Variants in GUCY2C observed in about 807,000 individuals in gnomAD.
The protein encoded by GUCY2C is guanylyl cyclase C.
GUCY2C carries 118 observed loss-of-function variants against 131.1 expected under a neutral mutation model. That is an observed-to-expected ratio of 0.90 (90% confidence interval 0.78 to 1.05). GUCY2C has a LOEUF of 1.05. Among genes scored for constraint, GUCY2C ranks in the 50% least tolerant of loss-of-function variants. The pLI, the probability that GUCY2C is intolerant of heterozygous loss-of-function variation, is 0.00. For missense variants in GUCY2C, 1,161 were observed against 1,304.4 expected, an observed-to-expected ratio of 0.89 and a Z score of 1.69; for synonymous variants, 452 against 457.8, an observed-to-expected ratio of 0.99 and a Z score of 0.16.
rs115179677 is a variant in GUCY2C, at chr12:14,654,478, C to G, written c.1471-1464G>C. On this transcript the variant is annotated intron_variant, in intron 12 of 26. Transcript: ENST00000261170. ...CTCAGAGTAACAATGATCACATGAT[C>G]AAAATAATTTTGAACTTCCCTCCTT... Among the ~76,000 whole-genome samples the G allele has an allele frequency of 4.9e-3, 748 of 152,172 alleles. 8 individuals carry two copies. The highest frequency in any genetic ancestry group is 0.018 in the African/African-American group (728 of 41,516).
intron 1 of GUCY2C, among the ~76,000 whole-genome samples, chr12:14,694,992 T>C (rs1023676380): frequency 2.0e-5 from 3 of 152,138 alleles, no homozygotes; most frequent in African/African-American, 7.2e-5. Flanking sequence ...ATCATATATA[T>C]CCCCCAAATT....
intron 3 of GUCY2C, among the ~76,000 whole-genome samples, chr12:14,685,122 GC>G (rs1297984361): frequency 1.3e-5 from 2 of 152,302 alleles, no homozygotes; most frequent in Non-Finnish European, 2.9e-5. Flanking sequence ...CAGCTAAAAT[GC>G]TTTGCACGTA....
At chr12:14,675,903 A>G (rs1948225833) in intron 7 of GUCY2C, among the ~76,000 whole-genome samples, 1 of 152,228 alleles carries the variant, frequency 6.6e-6, no homozygotes, top group Admixed American at 6.5e-5. Context: ...TGCTGAAAAC[A>G]TTTCATGAGG....
intron 10 of GUCY2C, among the ~76,000 whole-genome samples, chr12:14,664,984 C>G (rs147508547): frequency 4.6e-5 from 7 of 151,954 alleles, no homozygotes; most frequent in Non-Finnish European, 5.9e-5. Context: ...GAAGCCAAGG[C>G]GGGTGGATCA....
intron 10 of GUCY2C, among the ~76,000 whole-genome samples, chr12:14,664,990 GA>G (rs776842898): frequency 3.4e-4 from 51 of 152,202 alleles, no homozygotes; most frequent in Non-Finnish European, 5.0e-4. Flanking sequence ...AAGGCGGGTG[GA>G]TCACGAGGTC....
intron 1 of GUCY2C, among the ~76,000 whole-genome samples, chr12:14,693,560 T>C (rs1948610203): frequency 6.6e-6 from 1 of 152,346 alleles, no homozygotes; most frequent in East Asian, 1.9e-4. Flanking sequence ...ATATATTGTC[T>C]TATAATTTTT....
chr12:14,629,929 T>C (rs1341571501), intron 19 of GUCY2C, among the ~76,000 whole-genome samples: 1 of 152,126 alleles, frequency 6.6e-6, no homozygotes, highest in Non-Finnish European at 1.5e-5. Flanking sequence ...AGTATAAGTA[T>C]GTCGCAAATA....
chr12:14,691,804 G>T (rs992886252), intron 1 of GUCY2C, among the ~76,000 whole-genome samples: 3 of 152,148 alleles, frequency 2.0e-5, no homozygotes, highest in Non-Finnish European at 4.4e-5. Flanking sequence ...CTTCCCTACT[G>T]GGCCCCAGTT....
intron 12 of GUCY2C, among the ~76,000 whole-genome samples, chr12:14,654,334 T>A (rs1039196400): frequency 8.5e-5 from 13 of 152,198 alleles, no homozygotes; most frequent in Non-Finnish European, 1.8e-4. Context: ...GTAGGTATTT[T>A]CCACCCTTGC....
intron 21 of GUCY2C, among the ~76,000 whole-genome samples, chr12:14,624,659 A>C (rs959353689): frequency 6.6e-6 from 1 of 152,156 alleles, no homozygotes; most frequent in Non-Finnish European, 1.5e-5. Context: ...TTGCGCATAA[A>C]ATTTTTACAT....
intron 3 of GUCY2C, among the ~76,000 whole-genome samples, chr12:14,683,666 G>A (rs747351268): frequency 1.6e-4 from 24 of 152,046 alleles, no homozygotes; most frequent in South Asian, 4.1e-4. Flanking sequence ...TGTTCACCTC[G>A]GTATCTCCAG....
rs1947690196 is a variant in GUCY2C at position 14,652,814 on chromosome 12, G to T, written c.1533+138C>A. The T allele has an allele frequency of 1.0e-5, 7 of 700,422 alleles. No individual in the cohort carries two copies. In the Admixed American group the frequency reaches 1.5e-4, roughly 15 times the overall value. 43.4% of individuals were successfully genotyped at this position (700,422 alleles called of 1,614,324 possible). Reference sequence around the variant, plus strand: ...GAAGCAGGGCCCTGCCCATCCCTGTGAAGCTCTAAGAATAGCCCCTAGGAA... The same window carrying T: ...GAAGCAGGGCCCTGCCCATCCCTGTTAAGCTCTAAGAATAGCCCCTAGGAA... On this transcript the variant is annotated intron_variant, in intron 13 of 26. Coordinates refer to ENST00000261170, the MANE Select transcript of GUCY2C (RefSeq NM_004963.4).
intron 10 of GUCY2C, among the ~76,000 whole-genome samples, chr12:14,667,422 T>C (rs748295868): frequency 2.0e-4 from 30 of 152,254 alleles, no homozygotes; most frequent in Admixed American, 6.5e-4. Flanking sequence ...CAGCTCAGGA[T>C]TGCTTATTGT....
chr12:14,623,953 G>A (rs1389585186), intron 21 of GUCY2C, among the ~76,000 whole-genome samples: 1 of 152,156 alleles, frequency 6.6e-6, no homozygotes, highest in Non-Finnish European at 1.5e-5. Context: ...ACCTAGTCTC[G>A]GGTAGTTCTT....
intron 16 of GUCY2C, 151 bp downstream of exon 16, chr12:14,645,078 A>G: frequency 2.0e-6 from 1 of 512,058 alleles, no homozygotes. Context: ...ATTTCACAAA[A>G]TCCTCATAAC....
chr12:14,655,849 A>G (rs1308112363), intron 12 of GUCY2C, among the ~76,000 whole-genome samples: 1 of 152,194 alleles, frequency 6.6e-6, no homozygotes, highest in Non-Finnish European at 1.5e-5. Flanking sequence ...GGGTTAATGC[A>G]TGTGGTGCAT....
At chr12:14,692,417 CAG>C (rs1284383203) in intron 1 of GUCY2C, among the ~76,000 whole-genome samples, 3 of 151,462 alleles carry the variant, frequency 2.0e-5, no homozygotes, top group Admixed American at 6.6e-5. Context: ...TTTATGCTAA[CAG>C]ATATTTATTT....
At chr12:14,679,953 T>A (rs116414259) in intron 5 of GUCY2C, among the ~76,000 whole-genome samples, 200 bp from the exon 6 acceptor site, 5,518 of 151,842 alleles carry the variant, frequency 0.036, 360 homozygotes, top group African/African-American at 0.13. Flanking sequence ...GGATCTTTTT[T>A]AAAAAAATCA....
intron 18 of GUCY2C, among the ~76,000 whole-genome samples, chr12:14,640,292 A>C (rs139122240): frequency 2.6e-5 from 4 of 151,932 alleles, no homozygotes; most frequent in Non-Finnish European, 5.9e-5. Flanking sequence ...CCCCGTCTCT[A>C]CATAAAGTAC....
Sources: gnomAD v4.1 joint callset for allele counts (sites outside exome capture counted in the v4.1 genomes callset) on GRCh38, gnomAD v4.1.1 for gene constraint, MANE v1.5 for transcripts, NCBI Gene and HGNC (gene_info 2026-07-23, HGNC 2026-07-21) for gene names.